Variants in TRIOBP observed in about 807,000 individuals in gnomAD.
TRIOBP encodes the protein TRIO and F-actin binding protein, also known as TRIO and F-actin-binding protein.
In TRIOBP, 169 loss-of-function variants were observed where a neutral mutation model predicts 238.8. The observed-to-expected ratio is 0.71, with a 90% CI of 0.62 to 0.80. The LOEUF (loss-of-function observed/expected upper bound fraction) is 0.80, where lower values mean the gene tolerates loss of function less well. TRIOBP is among the 30% of genes least tolerant of loss of function. The pLI is 0.00. For missense variants in TRIOBP, 2,838 were observed against 3,122.6 expected (o/e 0.91, Z 2.17); for synonymous variants, 1,150 against 1,274.4 (o/e 0.90, Z 2.08).
rs753164237 is a variant in TRIOBP, at chr22:37,724,447, C to T, written c.1891C>T (p.Arg631Trp). The T allele has an allele frequency of 2.7e-5, 44 of 1,612,330 alleles. 1 individual carries two copies. Among genetic ancestry groups the T allele is most frequent in the South Asian group, 1.5e-4 (14 of 90,902 alleles). The change falls in exon 7 of 24, where the codon CGG becomes TGG. Residue 631 changes from arginine (R) to tryptophan (W), a missense_variant. Physicochemically the swap from Arg to Trp is moderately radical, Grantham distance 101. Transcript: ENST00000644935. Reference sequence around the variant, plus strand: ...TAACCCCAGAACATCCTGTGCCCAGCGGGACAATCCCAGAGCCTCCTCTCC... The same window carrying T: ...TAACCCCAGAACATCCTGTGCCCAGTGGGACAATCCCAGAGCCTCCTCTCC... ...RDNPRTSCAQ[R>W]DNPRASSPNR... is the part of the protein sequence containing the mutation.
chr22:37,715,709 T>A (rs750089505), intron 5 of TRIOBP, 54 bp from the exon 6 acceptor site: 3 of 1,585,824 alleles, frequency 1.9e-6, no homozygotes, highest in Non-Finnish European at 2.6e-6. Flanking sequence ...AGAGTATATG[T>A]CCTGCAGCCT....
intron 2 of TRIOBP, among the ~76,000 whole-genome samples, chr22:37,698,082 C>T (rs1922443884): frequency 6.6e-6 from 1 of 151,274 alleles, no homozygotes; most frequent in African/African-American, 2.4e-5. Flanking sequence ...TGCCTGTAAT[C>T]CCAGCTATTT....
At chr22:37,720,967 C>G (rs1012752007) in intron 6 of TRIOBP, among the ~76,000 whole-genome samples, 2 of 152,112 alleles carry the variant, frequency 1.3e-5, no homozygotes, top group African/African-American at 2.4e-5. Context: ...AAGCAATTCT[C>G]CAGCCTCTGC....
intron 5 of TRIOBP, among the ~76,000 whole-genome samples, chr22:37,713,928 A>G (rs1923386754): frequency 6.6e-6 from 1 of 152,230 alleles, no homozygotes; most frequent in South Asian, 2.1e-4. Context: ...GCAGAGCAGA[A>G]GAGACAGGCT....
chr22:37,725,279 C>G lies in TRIOBP; in HGVS notation c.2723C>G (p.Ser908Trp). The part of the protein sequence containing the change: ...HRTNKDIPWA[S>W]FPLRPTQSDG... ...ACTAACAAAGACATCCCCTGGGCCT[C>G]GTTTCCCCTCCGGCCAACTCAGAGT... is the stretch of plus-strand genomic sequence containing the variant. Residue 908 changes from serine (S) to tryptophan (W), a missense_variant, in exon 7 of 24, where the codon TCG becomes TGG. Physicochemically the swap from Ser to Trp is radical, Grantham distance 177 (BLOSUM62 -3). Coordinates refer to ENST00000644935, the MANE Select transcript of TRIOBP (RefSeq NM_001039141.3). 4 of 1,613,998 alleles carry G rather than the reference C, an allele frequency of 2.5e-6. No individual in the cohort carries two copies. The highest frequency in any genetic ancestry group is 2.5e-6 in the Non-Finnish European group (3 of 1,180,026).
At chr22:37,717,914 G>A (rs1923611551) in intron 6 of TRIOBP, among the ~76,000 whole-genome samples, 1 of 152,234 alleles carries the variant, frequency 6.6e-6, no homozygotes. Flanking sequence ...GGGAGGCTCG[G>A]GCTGCACAGG....
chr22:37,770,849 A>AT (rs1324559781), intron 21 of TRIOBP, among the ~76,000 whole-genome samples: 1 of 151,496 alleles, frequency 6.6e-6, no homozygotes, highest in Non-Finnish European at 1.5e-5. Flanking sequence ...CACCTGGCTA[A>AT]TTTTTTGTAT....
intron 9 of TRIOBP, among the ~76,000 whole-genome samples, chr22:37,736,713 CG>C (rs1157682399): frequency 6.6e-6 from 1 of 152,118 alleles, no homozygotes; most frequent in African/African-American, 2.4e-5. Context: ...CTGCAACCTC[CG>C]CCCCCCAGGT....
intron 3 of TRIOBP, among the ~76,000 whole-genome samples, chr22:37,703,871 C>T (rs1165811544): frequency 1.3e-5 from 2 of 152,132 alleles, no homozygotes; most frequent in Non-Finnish European, 2.9e-5. Context: ...GTTCAGGGAA[C>T]AGATGCCTGG....
chr22:37,769,185 CAGGTGGG>C lies in TRIOBP; in HGVS notation c.6734_6735+5del. 6.2e-7 allele frequency: 1 copy of C among 1,607,130 alleles called. No homozygotes were observed. Among genetic ancestry groups the C allele is most frequent in the Middle Eastern group, 1.7e-4 (1 of 5,850 alleles). On this transcript the variant is annotated splice_donor_variant and splice_donor_5th_base_variant and coding_sequence_variant and intron_variant, in exon 20 of 24. Transcript: ENST00000644935. LOFTEE classifies it high-confidence loss of function. ...GGGCCAGGAGCTGCTGCGCCACAACCAGGTGGGCCTGGCCCCAGGTTGGGGGGACACG... is the reference window on the plus strand; with the variant it reads ...GGGCCAGGAGCTGCTGCGCCACAACCCCTGGCCCCAGGTTGGGGGGACACG...
In TRIOBP at chr22:37,726,447, C is replaced by A. The variant is rs761561473; in HGVS notation, c.3891C>A (p.Gly1297=). The change falls in exon 7 of 24, where the codon GGC becomes GGA. Residue 1297 remains glycine (G), a synonymous_variant. Transcript: ENST00000644935. ...CCCAGGCGCAGTGCAGCAGCGGGGG[C>A]CGCACCCACAGCCCTGGCCGTGCAG... ...PGPQAQCSSG[G]RTHSPGRAEV... The A allele has an allele frequency of 6.4e-7, 1 of 1,571,470 alleles. No individual in the cohort carries two copies. The highest frequency in any genetic ancestry group is 1.9e-5 in the Admixed American group (1 of 53,712).
At chr22:37,742,257 GTTTTT>G (rs762341330) in intron 11 of TRIOBP, among the ~76,000 whole-genome samples, 1 of 102,778 alleles carries the variant, frequency 9.7e-6, no homozygotes, top group African/African-American at 4.1e-5. Flanking sequence ...CACGCCAGGC[GTTTTT>G]TTTTTTTTTT....
chr22:37,772,569 T>C, intron 22 of TRIOBP, 32 bp from the exon 23 acceptor site: 1 of 1,613,650 alleles, frequency 6.2e-7, no homozygotes, highest in South Asian at 1.1e-5. Context: ...GGGAGAGACT[T>C]CATGCCCTCA....
chr22:37,747,628 G>C (rs993770919), intron 11 of TRIOBP, among the ~76,000 whole-genome samples: 2 of 152,236 alleles, frequency 1.3e-5, no homozygotes, highest in African/African-American at 2.4e-5. Context: ...AAGGGATGTG[G>C]GGGGAGGAGC....
intron 3 of TRIOBP, among the ~76,000 whole-genome samples, chr22:37,706,801 C>T (rs971524555): frequency 2.6e-5 from 4 of 151,160 alleles, no homozygotes; most frequent in Middle Eastern, 3.4e-3. Flanking sequence ...GAGAGGGGCA[C>T]GACATCAAAT....
chr22:37,736,204 G>A (rs1601640749), intron 9 of TRIOBP, among the ~76,000 whole-genome samples: 2 of 152,198 alleles, frequency 1.3e-5, no homozygotes, highest in African/African-American at 2.4e-5. Context: ...GAAGATGGTG[G>A]GCAGGGAGGG....
chr22:37,771,521 GAGGGTTTTTGTGCAGAT>G, intron 21 of TRIOBP, 112 bp from the exon 22 acceptor site: 1 of 796,854 alleles, frequency 1.3e-6, no homozygotes, highest in Non-Finnish European at 2.2e-6. Flanking sequence ...CCAGGATGTA[GAGGGTTTTTGTGCAGAT>G]AGGGGCTGCA....
intron 11 of TRIOBP, chr22:37,746,419 C>T (rs1241151350): frequency 2.8e-6 from 4 of 1,419,666 alleles, no homozygotes; most frequent in East Asian, 3.1e-5. Context: ...GCCGCCATGA[C>T]GGTGAGTGCC....
intron 3 of TRIOBP, among the ~76,000 whole-genome samples, chr22:37,706,293 A>C (rs1230977254): frequency 6.6e-6 from 1 of 152,078 alleles, no homozygotes; most frequent in Non-Finnish European, 1.5e-5. Context: ...CAGGAGATGG[A>C]GGCCTGCGAG....
Sources: allele counts gnomAD v4.1 joint callset (sites outside exome capture counted in the v4.1 genomes callset), GRCh38; gene constraint gnomAD v4.1.1; transcripts MANE v1.5; gene names NCBI Gene and HGNC (gene_info 2026-07-23, HGNC 2026-07-21).